The following HACL1 variants were observed in gnomAD, a reference collection of about 807,000 sequenced individuals.
HACL1 encodes the protein 1600020H07Rik.
HACL1 carries 64 observed loss-of-function variants against 74.2 expected under a neutral mutation model. The observed-to-expected ratio is 0.86, with a 90% CI of 0.70 to 1.06. The LOEUF is 1.06. Among genes scored for constraint, HACL1 ranks in the 50% least tolerant of loss-of-function variants. The pLI, the probability that HACL1 is intolerant of heterozygous loss-of-function variation, is 0.00. For synonymous variants in HACL1, 230 were observed against 238.8 expected (o/e 0.96, Z 0.34); for missense variants, 728 against 719.7 (o/e 1.01, Z -0.13).
At chr3:15,594,480 T>C (rs1167039390) in intron 3 of HACL1, among the ~76,000 whole-genome samples, 8 of 152,162 alleles carry the variant, frequency 5.3e-5, no homozygotes, top group Non-Finnish European at 1.2e-4. Context: ...GAAAAAGGTA[T>C]CTCAATATAA....
intron 10 of HACL1, among the ~76,000 whole-genome samples, chr3:15,574,314 G>A (rs2063586081): frequency 6.6e-6 from 1 of 152,216 alleles, no homozygotes; most frequent in African/African-American, 2.4e-5. Context: ...ACTGAAGTGA[G>A]CCATTATCGT....
At chr3:15,573,899 C>T (rs2063577973) in intron 10 of HACL1, among the ~76,000 whole-genome samples, 1 of 152,208 alleles carries the variant, frequency 6.6e-6, no homozygotes, top group African/African-American at 2.4e-5. Context: ...GGATGTATCT[C>T]ATTCTATAAT....
At chr3:15,573,848 G>A (rs1241124624) in intron 10 of HACL1, among the ~76,000 whole-genome samples, 1 of 152,328 alleles carries the variant, frequency 6.6e-6, no homozygotes, top group East Asian at 1.9e-4. Context: ...ATGGACAAAT[G>A]ATGGCTTCTG....
At chr3:15,576,402 C>T (rs1266419329) in intron 9 of HACL1, among the ~76,000 whole-genome samples, 1 of 152,000 alleles carries the variant, frequency 6.6e-6, no homozygotes, top group Non-Finnish European at 1.5e-5. Flanking sequence ...GAATTGCTTT[C>T]TAAAATATTA....
intron 5 of HACL1, among the ~76,000 whole-genome samples, chr3:15,587,483 C>G (rs1017924931): frequency 2.3e-4 from 33 of 143,278 alleles, no homozygotes; most frequent in African/African-American, 7.0e-4. Flanking sequence ...ATGTTCATGC[C>G]CTTTAGTTTT....
At chr3:15,587,742 A>G (rs899471684) in intron 5 of HACL1, among the ~76,000 whole-genome samples, 10 of 152,186 alleles carry the variant, frequency 6.6e-5, no homozygotes, top group Non-Finnish European at 1.5e-4. Flanking sequence ...ACTAAATAAA[A>G]CTTCGATTCC....
At position 15,591,452 on chromosome 3, in the gene HACL1, C is replaced by T. The variant is rs374440362; in HGVS notation, c.308+148G>A. 14 of 512,826 alleles carry T rather than the reference C, an allele frequency of 2.7e-5. 1 individual carries two copies. The highest frequency in any genetic ancestry group is 2.0e-4 in the South Asian group (8 of 39,512). The allele number at this position is 512,826 out of a possible 1,614,324, so 31.8% of individuals were successfully genotyped here. On this transcript the variant is annotated intron_variant, in intron 4 of 16. Coordinates refer to ENST00000321169, the MANE Select transcript of HACL1 (RefSeq NM_012260.4). Reference sequence around the variant, plus strand: ...CCCCTCCTCCTCCTCATTCCCTCCCCGGTAACTAACTCTACTTTCAGTTTC... The same window carrying T: ...CCCCTCCTCCTCCTCATTCCCTCCCTGGTAACTAACTCTACTTTCAGTTTC...
At chr3:15,570,389 T>C (rs896698233) in intron 12 of HACL1, among the ~76,000 whole-genome samples, 2 of 151,660 alleles carry the variant, frequency 1.3e-5, no homozygotes, top group African/African-American at 4.8e-5. Flanking sequence ...GTACAATCAA[T>C]TCTGCTATAA....
At chr3:15,568,907 A>G (rs80318762) in intron 12 of HACL1, among the ~76,000 whole-genome samples, 3,404 of 152,374 alleles carry the variant, frequency 0.022, 61 homozygotes, top group South Asian at 0.084. Flanking sequence ...ACTGGGTTAC[A>G]TAAAACTAAA....
intron 5 of HACL1, among the ~76,000 whole-genome samples, chr3:15,587,382 T>G (rs1320767329): frequency 6.7e-6 from 1 of 148,798 alleles, no homozygotes; most frequent in Admixed American, 6.8e-5. Context: ...ATATAGAAAC[T>G]GTTTCTCTTG....
intron 2 of HACL1, among the ~76,000 whole-genome samples, chr3:15,599,615 C>T (rs2064143386): frequency 6.6e-6 from 1 of 152,298 alleles, no homozygotes; most frequent in African/African-American, 2.4e-5. Flanking sequence ...TTGAGGGAAC[C>T]ACATGAACTA....
intron 10 of HACL1, among the ~76,000 whole-genome samples, chr3:15,574,090 G>A (rs2063580972): frequency 6.6e-6 from 1 of 152,220 alleles, no homozygotes; most frequent in Admixed American, 6.5e-5. Flanking sequence ...AGCAACCCAA[G>A]CACAGTGGCT....
In HACL1 at chr3:15,565,987, A is replaced by G. The variant is rs549020039; in HGVS notation, c.1410-1329T>C. ...GTAATCTAGACATCATTAAAAATATATGGGGGGTATGCATAGGTTATTTGC... is the reference window on the plus strand; with the variant it reads ...GTAATCTAGACATCATTAAAAATATGTGGGGGGTATGCATAGGTTATTTGC... On this transcript the variant is annotated intron_variant, in intron 14 of 16. Coordinates refer to ENST00000321169, the MANE Select transcript of HACL1 (RefSeq NM_012260.4). Among the ~76,000 whole-genome samples the G allele has an allele frequency of 3.3e-5, 5 of 152,306 alleles. No individual in the cohort carries two copies. In the East Asian group the frequency reaches 9.6e-4, roughly 29 times the overall value.
At chr3:15,584,104 A>G (rs1413705579) in intron 7 of HACL1, among the ~76,000 whole-genome samples, 1 of 152,240 alleles carries the variant, frequency 6.6e-6, no homozygotes, top group Non-Finnish European at 1.5e-5. Flanking sequence ...ATTATACTGT[A>G]TAAAATTTAG....
intron 14 of HACL1, among the ~76,000 whole-genome samples, chr3:15,567,376 A>ATT (rs1021804368): frequency 4.3e-5 from 6 of 140,282 alleles, no homozygotes; most frequent in Non-Finnish European, 6.3e-5. Context: ...CGTCTGGCTA[A>ATT]TTTTTTTTTT....
intron 15 of HACL1, 100 bp from the exon 16 acceptor site, chr3:15,563,644 T>C: frequency 1.5e-6 from 1 of 683,530 alleles, no homozygotes; most frequent in Non-Finnish European, 2.5e-6. Context: ...TCAGCTGAAC[T>C]CAAAGGCATA....
intron 16 of HACL1, 52 bp downstream of exon 16, chr3:15,563,306 G>T: frequency 8.2e-7 from 1 of 1,213,412 alleles, no homozygotes; most frequent in Non-Finnish European, 1.2e-6. Context: ...TTTTGGAGGG[G>T]GATAGGGGAA....
intron 14 of HACL1, 126 bp from the exon 15 acceptor site, chr3:15,564,784 C>T: frequency 1.9e-6 from 1 of 534,446 alleles, no homozygotes; most frequent in Non-Finnish European, 3.3e-6. Flanking sequence ...TAGAGGAAGA[C>T]TAAAAATCAA....
intron 16 of HACL1, among the ~76,000 whole-genome samples, chr3:15,562,636 G>T (rs1287614996): frequency 6.6e-6 from 1 of 152,146 alleles, no homozygotes; most frequent in Non-Finnish European, 1.5e-5. Flanking sequence ...CGGAAGACAG[G>T]TTATATGAGG....
Sources: allele counts gnomAD v4.1 joint callset (sites outside exome capture counted in the v4.1 genomes callset), GRCh38; gene constraint gnomAD v4.1.1; transcripts MANE v1.5; gene names NCBI Gene and HGNC (gene_info 2026-07-23, HGNC 2026-07-21).